Variants in CTPS2 observed in about 807,000 individuals in gnomAD.
CTPS2 encodes CTP synthase II.
CTPS2 carries 19 observed loss-of-function variants against 46.8 expected under a neutral mutation model. The observed-to-expected ratio is 0.41, with a 90% CI of 0.28 to 0.60. CTPS2 has a LOEUF of 0.60. Ranked by LOEUF, CTPS2 falls within the 20% of genes least tolerant of loss-of-function variation. The probability of loss-of-function intolerance (pLI) is 0.35; values close to 1 mark genes in which losing one functional copy is unlikely to be tolerated. For missense variants in CTPS2, 286 were observed against 447.6 expected (o/e 0.64, Z 3.26); for synonymous variants, 151 against 165.2 (o/e 0.91, Z 0.66).
chrX:16,624,593 G>A (rs1272228690), intron 14 of CTPS2, among the ~76,000 whole-genome samples: 1 of 111,646 alleles, frequency 9.0e-6, no homozygotes, highest in Non-Finnish European at 1.9e-5. Flanking sequence ...TCCACGACAA[G>A]GCAAAATGCT....
intron 13 of CTPS2, among the ~76,000 whole-genome samples, chrX:16,643,019 A>G (rs1251532536): frequency 8.9e-6 from 1 of 112,384 alleles, no homozygotes; most frequent in Non-Finnish European, 1.9e-5. Flanking sequence ...TGAGAAAAAT[A>G]AAAAAGGATC....
chrX:16,695,930 G>A (rs1924098501), intron 4 of CTPS2, among the ~76,000 whole-genome samples: 1 of 109,789 alleles, frequency 9.1e-6, no homozygotes, highest in Admixed American at 9.9e-5. Context: ...GGCTCACTGC[G>A]GCCTCAAACT....
intron 9 of CTPS2, among the ~76,000 whole-genome samples, chrX:16,680,048 T>C (rs912005727): frequency 3.6e-5 from 4 of 111,120 alleles, no homozygotes; most frequent in Non-Finnish European, 7.6e-5. Flanking sequence ...GACTGGCAGC[T>C]GGAAACCAGC....
chrX:16,634,374 T>A (rs1931632896), intron 14 of CTPS2, among the ~76,000 whole-genome samples: 1 of 111,906 alleles, frequency 8.9e-6, no homozygotes, highest in Non-Finnish European at 1.9e-5. Context: ...AATGTCTCAT[T>A]TCTAAGGACC....
At chrX:16,700,903 T>C (rs1385554009) in intron 2 of CTPS2, among the ~76,000 whole-genome samples, 1 of 111,875 alleles carries the variant, frequency 8.9e-6, no homozygotes, top group Non-Finnish European at 1.9e-5. Context: ...TAACATCCCA[T>C]AGGACAAAAT....
At chrX:16,598,542 G>A (rs1226964317) in intron 17 of CTPS2, among the ~76,000 whole-genome samples, 1 of 111,597 alleles carries the variant, frequency 9.0e-6, no homozygotes, top group Non-Finnish European at 1.9e-5. Flanking sequence ...CCAATAACAG[G>A]AGCTGAAATT....
chrX:16,619,635 T>C (rs1216454822), intron 15 of CTPS2, among the ~76,000 whole-genome samples: 1 of 110,938 alleles, frequency 9.0e-6, no homozygotes, highest in African/African-American at 3.3e-5. Context: ...TCCTTAATGT[T>C]TAGGGTGATT....
intron 1 of CTPS2, among the ~76,000 whole-genome samples, chrX:16,710,114 C>T (rs1925361476): frequency 9.0e-6 from 1 of 110,596 alleles, no homozygotes; most frequent in Admixed American, 9.8e-5. Flanking sequence ...AAAAATATGA[C>T]TCTAACCTTC....
chrX:16,690,878 CGT>C (rs1416541262), intron 7 of CTPS2, among the ~76,000 whole-genome samples: 1 of 112,208 alleles, frequency 8.9e-6, no homozygotes, highest in African/African-American at 3.2e-5. Context: ...TCAACGTGCT[CGT>C]GTGTTTGGGG....
chrX:16,681,905 A>T (rs1425185134), intron 9 of CTPS2, among the ~76,000 whole-genome samples: 1 of 111,897 alleles, frequency 8.9e-6, no homozygotes, highest in Non-Finnish European at 1.9e-5. Flanking sequence ...CTTATATGGA[A>T]GAATATACTC....
At chrX:16,709,978 G>A (rs1173479021) in intron 1 of CTPS2, among the ~76,000 whole-genome samples, 2 of 107,889 alleles carry the variant, frequency 1.9e-5, no homozygotes, top group African/African-American at 6.8e-5. Context: ...ACCCAAAAAT[G>A]AAGGCCTCAG....
At chrX:16,666,481 C>T (rs1016979236) in intron 13 of CTPS2, among the ~76,000 whole-genome samples, 2 of 110,905 alleles carry the variant, frequency 1.8e-5, no homozygotes, top group South Asian at 7.6e-4. Context: ...ATTGTCCAAA[C>T]GTAAAACTCA....
chrX:16,671,842 G>A (rs1196589816), intron 10 of CTPS2, among the ~76,000 whole-genome samples: 1 of 111,079 alleles, frequency 9.0e-6, no homozygotes, highest in Non-Finnish European at 1.9e-5. Context: ...AGTGAAACAC[G>A]GAAAGAACAA....
chrX:16,674,253 T>C (rs1255975341), intron 10 of CTPS2, among the ~76,000 whole-genome samples: 1 of 110,881 alleles, frequency 9.0e-6, no homozygotes, highest in Non-Finnish European at 1.9e-5. Flanking sequence ...AACCTTCACC[T>C]CGTGGGTTCA....
chrX:16,621,427 T>C (rs992169567), intron 14 of CTPS2, among the ~76,000 whole-genome samples: 2 of 106,236 alleles, frequency 1.9e-5, no homozygotes, highest in African/African-American at 6.9e-5. Flanking sequence ...ATTGTGCACA[T>C]GTACCCTAGA....
chrX:16,636,620 G>A (rs940841260), intron 14 of CTPS2, among the ~76,000 whole-genome samples: 1 of 111,359 alleles, frequency 9.0e-6, no homozygotes, highest in Non-Finnish European at 1.9e-5. Context: ...TTCTGTGAAT[G>A]CACTAAAAAA....
At position 16,634,905 on chromosome X, in the gene CTPS2, T is replaced by C. The variant is rs180744741; in HGVS notation, c.1393+4242A>G. Among the ~76,000 whole-genome samples, 332 of 106,411 alleles carry C rather than the reference T, an allele frequency of 3.1e-3. 3 individuals are homozygous for C. Among genetic ancestry groups the C allele is most frequent in the African/African-American group, 0.011 (312 of 29,036 alleles). 92.4% of individuals were successfully genotyped at this position (106,411 alleles called of 115,157 possible). ...CGGAGGTTGCAGTGAGCCGAGATGG[T>C]GTCACTGCACTCCAGCCTGGGTGAC... On this transcript the variant is annotated intron_variant, in intron 14 of 18. Transcript: ENST00000359276.
Position 16,639,510 on chromosome X carries a change from A to G in CTPS2, c.1297-267T>C, listed in dbSNP as rs757770199. ...GCATCTTGATGATGTCCCTCCTGCC[A>G]TTACTCAAACCATCAGTTCCAAGTA... is the stretch of plus-strand genomic sequence containing the variant. On this transcript the variant is annotated intron_variant, in intron 13 of 18. Transcript: ENST00000359276. Among the ~76,000 whole-genome samples the G allele has an allele frequency of 6.3e-5, 7 of 110,513 alleles. No homozygotes were observed. The East Asian group carries it at 2.0e-3, about 31-fold the overall frequency.
At chrX:16,668,794 G>GA (rs1921454736) in intron 11 of CTPS2, among the ~76,000 whole-genome samples, 1 of 106,523 alleles carries the variant, frequency 9.4e-6, no homozygotes, top group Non-Finnish European at 1.9e-5. Flanking sequence ...AGGAAGGAAG[G>GA]AAGGAAGGAA....
Sources: allele counts gnomAD v4.1 joint callset (sites outside exome capture counted in the v4.1 genomes callset), GRCh38; gene constraint gnomAD v4.1.1; transcripts MANE v1.5; gene names NCBI Gene and HGNC (gene_info 2026-07-23, HGNC 2026-07-21).